Variants in ATP2A2 observed in about 807,000 individuals in gnomAD.
ATP2A2 encodes ATPase sarcoplasmic/endoplasmic reticulum Ca2+ transporting 2.
Under a neutral mutation model 109.3 loss-of-function variants are expected in ATP2A2, and 14 were observed. That is an observed-to-expected ratio of 0.13 (90% confidence interval 0.08 to 0.20). The LOEUF is 0.20. Ranked by LOEUF, ATP2A2 falls within the 10% of genes least tolerant of loss-of-function variation. The pLI, the probability that ATP2A2 is intolerant of heterozygous loss-of-function variation, is 1.00. For missense variants in ATP2A2, 657 were observed against 1,321.6 expected (o/e 0.50, Z 7.80); for synonymous variants, 506 against 490.9 (o/e 1.03, Z -0.41).
intron 11 of ATP2A2, among the ~76,000 whole-genome samples, chr12:110,337,197 C>G (rs1477191481): frequency 2.6e-5 from 4 of 152,138 alleles, no homozygotes; most frequent in Non-Finnish European, 4.4e-5. Context: ...CTAAGGAGTT[C>G]CAAACACAAG....
At chr12:110,302,275 GT>G (rs1874739970) in intron 5 of ATP2A2, among the ~76,000 whole-genome samples, 1 of 152,078 alleles carries the variant, frequency 6.6e-6, no homozygotes, top group South Asian at 2.1e-4. Flanking sequence ...CTGACTTCCA[GT>G]TCCCCTCTTC....
At chr12:110,294,584 G>T (rs1592800881) in intron 4 of ATP2A2, among the ~76,000 whole-genome samples, 1 of 152,150 alleles carries the variant, frequency 6.6e-6, no homozygotes, top group East Asian at 2.0e-4. Context: ...AGGGGGCGGA[G>T]TTTGCAGTGA....
intron 5 of ATP2A2, among the ~76,000 whole-genome samples, chr12:110,321,631 C>A (rs904792304): frequency 3.3e-5 from 5 of 152,160 alleles, no homozygotes; most frequent in Admixed American, 3.3e-4. Context: ...GACAGGTTTT[C>A]GCCATGTTGG....
intron 8 of ATP2A2, 69 bp from the exon 9 acceptor site, chr12:110,332,528 A>G (rs1434529631): frequency 7.7e-7 from 1 of 1,302,944 alleles, no homozygotes; most frequent in Non-Finnish European, 1.1e-6. Flanking sequence ...AAGCTAACAA[A>G]GGTAGTTTAT....
intron 5 of ATP2A2, among the ~76,000 whole-genome samples, chr12:110,306,553 C>T (rs1335704944): frequency 6.6e-6 from 1 of 152,074 alleles, no homozygotes; most frequent in East Asian, 1.9e-4. Context: ...TTTATTGTTC[C>T]CATCTTAATG....
chr12:110,336,367 A>G (rs1878844935), intron 11 of ATP2A2, among the ~76,000 whole-genome samples: 1 of 152,196 alleles, frequency 6.6e-6, no homozygotes, highest in Non-Finnish European at 1.5e-5. Flanking sequence ...CAAAATGATT[A>G]GTTGTCACCA....
intron 5 of ATP2A2, among the ~76,000 whole-genome samples, chr12:110,322,212 T>C (rs985289554): frequency 3.3e-5 from 5 of 152,214 alleles, no homozygotes; most frequent in Admixed American, 2.0e-4. Flanking sequence ...CTTTATACCA[T>C]TGGAAGTTGT....
At chr12:110,322,931 C>T in intron 5 of ATP2A2, 61 bp from the exon 6 acceptor site, 1 of 1,176,110 alleles carries the variant, frequency 8.5e-7, no homozygotes, top group South Asian at 1.2e-5. Context: ...ACAAATTCAT[C>T]TTTAGATAAC....
intron 5 of ATP2A2, among the ~76,000 whole-genome samples, chr12:110,301,265 A>G (rs190338770): frequency 1.4e-4 from 22 of 152,330 alleles, no homozygotes; most frequent in African/African-American, 5.3e-4. Context: ...TGGCAATGGT[A>G]GACAGCTTCA....
At chr12:110,325,624 T>G (rs1877713552) in intron 6 of ATP2A2, among the ~76,000 whole-genome samples, 1 of 149,098 alleles carries the variant, frequency 6.7e-6, no homozygotes, top group Non-Finnish European at 1.5e-5. Flanking sequence ...CAAGACTCCG[T>G]CTCAAAAAAA....
chr12:110,309,243 C>T (rs761264598), intron 5 of ATP2A2, among the ~76,000 whole-genome samples: 9 of 145,380 alleles, frequency 6.2e-5, no homozygotes, highest in African/African-American at 1.8e-4. Context: ...CTGCAACCTC[C>T]GCCTCCTGGG....
chr12:110,346,663 G>T lies in ATP2A2; in HGVS notation c.*193G>T. 1 of 1,450,510 alleles carries T rather than the reference G, an allele frequency of 6.9e-7. No homozygotes were observed. Among genetic ancestry groups the T allele is most frequent in the East Asian group, 2.5e-5 (1 of 39,808 alleles). 89.9% of individuals were successfully genotyped at this position (1,450,510 alleles called of 1,614,324 possible). On this transcript the variant is annotated 3_prime_UTR_variant, in exon 20 of 20. Coordinates refer to ENST00000539276, the MANE Select transcript of ATP2A2 (RefSeq NM_170665.4). ...TTCCTTTTTTATACACATAATTAAA[G>T]TGTCCATTGACATGTACAGAGAACT... is the stretch of plus-strand genomic sequence containing the variant.
chr12:110,316,918 A>G (rs1876727556), intron 5 of ATP2A2, among the ~76,000 whole-genome samples: 1 of 152,224 alleles, frequency 6.6e-6, no homozygotes, highest in African/African-American at 2.4e-5. Context: ...TTGGGATGCC[A>G]AAGAAGCTGT....
rs1308676397 is a variant in ATP2A2 at position 110,342,706 on chromosome 12, G to GAAATTCTTGCCCTCCA, written c.2318+262_2318+277dup. Reference sequence around the variant, plus strand: ...GCTAACATTAACCAGGTAGTCACATGAAATTCTTGCCCTCCAAAAGTTGGC... The same window carrying GAAATTCTTGCCCTCCA: ...GCTAACATTAACCAGGTAGTCACATGAAATTCTTGCCCTCCAAAATTCTTGCCCTCCAAAAGTTGGC... On this transcript the variant is annotated intron_variant, in intron 15 of 19. Coordinates refer to ENST00000539276, the MANE Select transcript of ATP2A2 (RefSeq NM_170665.4). The surrounding 1 kb of genome is among the most constrained non-coding windows in gnomAD (Gnocchi z 4.6). 1.3e-5 allele frequency among the ~76,000 whole-genome samples: 2 copies of GAAATTCTTGCCCTCCA among 152,164 alleles called. No homozygotes were observed. The highest frequency in any genetic ancestry group is 3.8e-4 in the East Asian group (2 of 5,198).
intron 3 of ATP2A2, among the ~76,000 whole-genome samples, chr12:110,289,734 T>A (rs1217561394): frequency 6.6e-6 from 1 of 152,216 alleles, no homozygotes; most frequent in Non-Finnish European, 1.5e-5. Flanking sequence ...TAAGCAATTT[T>A]TTAATTAAAA....
intron 3 of ATP2A2, among the ~76,000 whole-genome samples, chr12:110,283,551 T>C (rs1054414637): frequency 3.3e-5 from 5 of 152,112 alleles, no homozygotes; most frequent in African/African-American, 1.2e-4. Flanking sequence ...GGTTTTTAAC[T>C]TTTTTTTAAA....
intron 5 of ATP2A2, among the ~76,000 whole-genome samples, chr12:110,306,812 C>G (rs114013026): frequency 3.9e-4 from 59 of 152,186 alleles, no homozygotes; most frequent in African/African-American, 1.3e-3. Flanking sequence ...AGTGCAACCT[C>G]CACCTCCCAA....
intron 3 of ATP2A2, among the ~76,000 whole-genome samples, chr12:110,288,101 CT>C (rs71083111): frequency 1.8e-3 from 155 of 87,308 alleles, no homozygotes; most frequent in East Asian, 2.4e-3. Flanking sequence ...ATGCTTTGCC[CT>C]TTTTTTTTTT....
intron 16 of ATP2A2, 103 bp from the exon 17 acceptor site, chr12:110,344,783 C>T: frequency 8.8e-7 from 1 of 1,140,388 alleles, no homozygotes; most frequent in Non-Finnish European, 1.3e-6. Context: ...CATCACTGTC[C>T]CATGTCTTTG....
Sources: gnomAD v4.1 joint callset for allele counts (sites outside exome capture counted in the v4.1 genomes callset) on GRCh38, gnomAD v4.1.1 for gene constraint, Gnocchi (gnomAD v3.1) non-coding constraint, MANE v1.5 for transcripts, NCBI Gene and HGNC (gene_info 2026-07-23, HGNC 2026-07-21) for gene names.